GPR160: variants seen among roughly 807,000 people sequenced by gnomAD.
The protein encoded by GPR160 is G protein-coupled receptor 160.
Under a neutral mutation model 2.6 loss-of-function variants are expected in GPR160, and 2 were observed. The observed-to-expected ratio is 0.77, with a 90% CI of 0.32 to 2.44. The LOEUF (loss-of-function observed/expected upper bound fraction) is 2.44, where lower values mean the gene tolerates loss of function less well. GPR160 is among the 30% of genes most tolerant of loss of function. GPR160 has a pLI of 0.11. For missense variants in GPR160, 351 were observed against 383.6 expected (o/e 0.91, Z 0.71); for synonymous variants, 130 against 132.2 (o/e 0.98, Z 0.12).
chr3:170,052,764 G>T (rs188316420), intron 2 of GPR160, among the ~76,000 whole-genome samples: 20 of 152,122 alleles, frequency 1.3e-4, no homozygotes, highest in South Asian at 2.1e-4. Context: ...TTTCTATTTG[G>T]TGCTTTTTGT....
chr3:170,078,265 G>C (rs189972334), intron 2 of GPR160, among the ~76,000 whole-genome samples: 192 of 152,216 alleles, frequency 1.3e-3, no homozygotes, highest in Non-Finnish European at 2.1e-3. Flanking sequence ...GCCTTAGTTA[G>C]GGCTGCTTGG....
intron 2 of GPR160, among the ~76,000 whole-genome samples, chr3:170,055,907 T>G (rs539298107): frequency 6.6e-6 from 1 of 152,358 alleles, no homozygotes; most frequent in Admixed American, 6.5e-5. Context: ...GTGCTGGGAT[T>G]ACAGGCGTGA....
chr3:170,053,258 A>G (rs1283262520), intron 2 of GPR160, among the ~76,000 whole-genome samples: 2 of 152,162 alleles, frequency 1.3e-5, no homozygotes, highest in Non-Finnish European at 2.9e-5. Flanking sequence ...TAATCTTCTT[A>G]TCCATGAACA....
At position 170,084,650 on chromosome 3, in the gene GPR160, T is replaced by C; in HGVS notation, c.678T>C (p.Phe226=). 1 of 1,610,720 alleles carries C rather than the reference T, an allele frequency of 6.2e-7. No homozygotes were observed. Among genetic ancestry groups the C allele is most frequent in the South Asian group, 1.1e-5 (1 of 90,956 alleles). ...YMNETILYFP[F]SSHSSYTVRS... is the part of the protein sequence containing the mutation. Reference sequence around the variant, plus strand: ...ATGAAACTATCTTATATTTTCCTTTTTCATCCCACTCCAGTTATACTGTGA... The same window carrying C: ...ATGAAACTATCTTATATTTTCCTTTCTCATCCCACTCCAGTTATACTGTGA... Residue 226 remains phenylalanine (F), a synonymous_variant, in exon 4 of 4, where the codon TTT becomes TTC. Coordinates refer to ENST00000355897, the MANE Select transcript of GPR160 (RefSeq NM_014373.3).
chr3:170,045,460 G>A (rs79010308), intron 2 of GPR160, among the ~76,000 whole-genome samples: 2 of 137,576 alleles, frequency 1.5e-5, no homozygotes. Context: ...AATTAGCCAG[G>A]GGTGGTGGCA....
chr3:170,070,073 G>A (rs971301626), intron 2 of GPR160, among the ~76,000 whole-genome samples: 3 of 152,112 alleles, frequency 2.0e-5, no homozygotes, highest in Admixed American at 1.3e-4. Flanking sequence ...GGGAGTTAAA[G>A]GCTTCAACAT....
intron 2 of GPR160, among the ~76,000 whole-genome samples, chr3:170,051,614 A>T (rs557777405): frequency 3.5e-4 from 53 of 152,282 alleles, no homozygotes; most frequent in African/African-American, 1.3e-3. Flanking sequence ...AATCCCAGCT[A>T]CTCAGGAGGC....
At chr3:170,071,691 G>A (rs1253154679) in intron 2 of GPR160, among the ~76,000 whole-genome samples, 2 of 152,186 alleles carry the variant, frequency 1.3e-5, no homozygotes, top group Non-Finnish European at 2.9e-5. Context: ...AGCTACTCGG[G>A]AGGCTGAGGT....
intron 2 of GPR160, among the ~76,000 whole-genome samples, chr3:170,043,820 C>T (rs1249585073): frequency 1.3e-5 from 2 of 151,970 alleles, no homozygotes; most frequent in Non-Finnish European, 2.9e-5. Context: ...ACTGAGTGAG[C>T]GTTGAAAATT....
chr3:170,043,898 A>G (rs1227491148), intron 2 of GPR160, among the ~76,000 whole-genome samples: 1 of 151,912 alleles, frequency 6.6e-6, no homozygotes, highest in East Asian at 1.9e-4. Context: ...CTCTTTAGGG[A>G]AGGGTAGTAC....
chr3:170,076,754 G>C (rs1428527935), intron 2 of GPR160, among the ~76,000 whole-genome samples: 1 of 152,148 alleles, frequency 6.6e-6, no homozygotes, highest in African/African-American at 2.4e-5. Context: ...ATGTTGACCA[G>C]GCTGGTCTTG....
At chr3:170,061,384 A>T (rs745773313) in intron 2 of GPR160, among the ~76,000 whole-genome samples, 11 of 151,716 alleles carry the variant, frequency 7.3e-5, no homozygotes, top group African/African-American at 9.7e-5. Context: ...ATTTTGTATT[A>T]AAAAAAACTC....
At chr3:170,071,575 T>C (rs753283361) in intron 2 of GPR160, among the ~76,000 whole-genome samples, 15 of 151,982 alleles carry the variant, frequency 9.9e-5, no homozygotes, top group Non-Finnish European at 1.8e-4. Flanking sequence ...GGTGGATCAC[T>C]TGAGGTCAGG....
chr3:170,045,155 G>A (rs1032688268), intron 2 of GPR160, among the ~76,000 whole-genome samples: 4 of 152,006 alleles, frequency 2.6e-5, no homozygotes, highest in Non-Finnish European at 5.9e-5. Flanking sequence ...GTGGCTTTCA[G>A]GAAATGTCAG....
chr3:170,064,530 T>C (rs960045177), intron 2 of GPR160, among the ~76,000 whole-genome samples: 34 of 144,348 alleles, frequency 2.4e-4, no homozygotes, highest in African/African-American at 7.9e-4. Context: ...TTTTTTTTTT[T>C]TTTTTTGAGG....
chr3:170,049,142 G>A (rs985608895), intron 2 of GPR160, among the ~76,000 whole-genome samples: 2 of 152,162 alleles, frequency 1.3e-5, no homozygotes, highest in African/African-American at 2.4e-5. Flanking sequence ...CAGTAACACC[G>A]GTTCAGGGAT....
chr3:170,064,143 T>C (rs952960335), intron 2 of GPR160, among the ~76,000 whole-genome samples: 3 of 152,184 alleles, frequency 2.0e-5, no homozygotes, highest in African/African-American at 7.2e-5. Context: ...ATTGAGATGA[T>C]ACTCTATTCT....
In GPR160 at chr3:170,084,723, A is replaced by C. The variant is rs1277998248; in HGVS notation, c.751A>C (p.Thr251Pro). Residue 251 changes from threonine to proline, a missense_variant, in exon 4 of 4, where the codon ACC (threonine) becomes CCC (proline). By Grantham distance (38) the Thr-to-Pro change is conservative (BLOSUM62 -1). Transcript: ENST00000355897. ...LSKLIVCFLS[T>P]WLPFVLLQVI... ...CAAGCTCATTGTCTGTTTTCTCAGT[A>C]CCTGGTTACCATTTGTACTACTTCA... 1.9e-6 allele frequency: 3 copies of C among 1,611,850 alleles called. No individual in the cohort carries two copies. Among genetic ancestry groups the C allele is most frequent in the Non-Finnish European group, 2.5e-6 (3 of 1,178,266 alleles).
At chr3:170,059,104 A>T (rs1711799446) in intron 2 of GPR160, among the ~76,000 whole-genome samples, 1 of 152,068 alleles carries the variant, frequency 6.6e-6, no homozygotes, top group Non-Finnish European at 1.5e-5. Flanking sequence ...ACCAGAAATA[A>T]ATGATAGGGG....
Sources: gnomAD v4.1 joint callset for allele counts (sites outside exome capture counted in the v4.1 genomes callset) on GRCh38, gnomAD v4.1.1 for gene constraint, MANE v1.5 for transcripts, NCBI Gene and HGNC (gene_info 2026-07-23, HGNC 2026-07-21) for gene names.